NCOA3: variants seen among roughly 807,000 people sequenced by gnomAD.
NCOA3 encodes the protein CBP-interacting protein.
In NCOA3, 51 loss-of-function variants were observed where a neutral mutation model predicts 158.8. The ratio of observed to expected loss-of-function variants is 0.32; its 90% CI spans 0.26 to 0.41. NCOA3 has a LOEUF of 0.41. Ranked by LOEUF, NCOA3 falls within the 10% of genes least tolerant of loss-of-function variation. The pLI is 1.00. For synonymous variants in NCOA3, 537 were observed against 592.4 expected (o/e 0.91, Z 1.36); for missense variants, 1,510 against 1,746.6 (o/e 0.86, Z 2.41).
At chr20:47,515,201 T>C (rs2146065422) in intron 1 of NCOA3, among the ~76,000 whole-genome samples, 1 of 151,808 alleles carries the variant, frequency 6.6e-6, no homozygotes, top group African/African-American at 2.4e-5. Flanking sequence ...TCTCGCTCTG[T>C]TGCCCACCTG....
chr20:47,641,324 CTTTTTTTTTT>C lies in NCOA3; in HGVS notation c.3081-877_3081-868del, dbSNP rs34173277. 2.9e-4 allele frequency among the ~76,000 whole-genome samples: 28 copies of C among 96,568 alleles called. No homozygotes were observed. In the Middle Eastern group the frequency reaches 0.017, roughly 59 times the overall value. The allele number at this position is 96,568 out of a possible 152,430, so 63.4% of individuals were successfully genotyped here. On this transcript the variant is annotated intron_variant, in intron 16 of 22. Transcript: ENST00000371998. The stretch of plus-strand genomic sequence containing the variant: ...TCACGTCAGTGATAGCTCAACATTT[CTTTTTTTTTT>C]TTTTTTTTTTTGAGACGGAATCTGG...
At chr20:47,523,669 T>C (rs2084381186) in intron 1 of NCOA3, among the ~76,000 whole-genome samples, 1 of 152,234 alleles carries the variant, frequency 6.6e-6, no homozygotes, top group African/African-American at 2.4e-5. Context: ...TCTACTTTAC[T>C]AGAGGTGTTA....
chr20:47,572,071 C>T (rs779037540), intron 1 of NCOA3, among the ~76,000 whole-genome samples: 1 of 152,170 alleles, frequency 6.6e-6, no homozygotes, highest in Admixed American at 6.5e-5. Context: ...CCTTAAACCT[C>T]ATGAAGCAAC....
At chr20:47,611,527 C>T (rs2086043379) in intron 2 of NCOA3, among the ~76,000 whole-genome samples, 1 of 152,180 alleles carries the variant, frequency 6.6e-6, no homozygotes, top group Admixed American at 6.5e-5. Context: ...CGGCCGGGCT[C>T]ATGCCTGTAA....
chr20:47,648,092 A>T lies in NCOA3; in HGVS notation c.3546+726A>T, dbSNP rs182075794. Among the ~76,000 whole-genome samples the T allele has an allele frequency of 9.6e-4, 146 of 151,706 alleles. 2 individuals carry two copies. Among genetic ancestry groups the T allele is most frequent in the Admixed American group, 7.3e-3 (111 of 15,262 alleles). Reference sequence around the variant, plus strand: ...GCTAGTTTTTGTATTTTTAGTAGAGACAGGGTTTCACCATGTTGGCCAGGC... The same window carrying T: ...GCTAGTTTTTGTATTTTTAGTAGAGTCAGGGTTTCACCATGTTGGCCAGGC... On this transcript the variant is annotated intron_variant, in intron 18 of 22. Transcript: ENST00000371998.
Position 47,628,041 on chromosome 20 carries a change from G to GTC in NCOA3, c.823+32_823+33dup, listed in dbSNP as rs111613599. 2.7e-4 allele frequency: 418 copies of GTC among 1,533,708 alleles called. 3 individuals are homozygous for GTC. Among genetic ancestry groups the GTC allele is most frequent in the Middle Eastern group, 1.7e-3 (10 of 5,882 alleles). On this transcript the variant is annotated intron_variant, in intron 8 of 22. Transcript: ENST00000371998. ...TCTTTCAGGTAAAAACTCTTTTTTT[G>GTC]TCTCTCTCTCTCTCTGTGTATACGT...
At chr20:47,643,612 G>A (rs2086644433) in intron 17 of NCOA3, among the ~76,000 whole-genome samples, 1 of 151,878 alleles carries the variant, frequency 6.6e-6, no homozygotes, top group Non-Finnish European at 1.5e-5. Context: ...CTATTCCCCT[G>A]TGTTGGACTC....
chr20:47,518,645 G>A (rs950176644), intron 1 of NCOA3, among the ~76,000 whole-genome samples: 9 of 151,648 alleles, frequency 5.9e-5, no homozygotes, highest in Non-Finnish European at 1.3e-4. Context: ...GGCTCGTCTC[G>A]AACTCCTGAC....
intron 1 of NCOA3, among the ~76,000 whole-genome samples, chr20:47,530,260 T>TATA (rs1266242962): frequency 2.6e-5 from 4 of 152,206 alleles, no homozygotes; most frequent in Admixed American, 2.6e-4. Flanking sequence ...GTAGATTATG[T>TATA]ATCTGAGAAG....
chr20:47,568,428 A>G (rs1294180994), intron 1 of NCOA3, among the ~76,000 whole-genome samples: 1 of 152,232 alleles, frequency 6.6e-6, no homozygotes, highest in African/African-American at 2.4e-5. Flanking sequence ...CCAGTAGATA[A>G]AAAGTTATGT....
intron 2 of NCOA3, among the ~76,000 whole-genome samples, chr20:47,595,979 C>G (rs1393860526): frequency 2.0e-5 from 3 of 152,060 alleles, no homozygotes; most frequent in Admixed American, 2.0e-4. Context: ...TGATTTTTTA[C>G]TTTAAACACT....
At chr20:47,515,399 C>T (rs927984230) in intron 1 of NCOA3, among the ~76,000 whole-genome samples, 6 of 151,426 alleles carry the variant, frequency 4.0e-5, no homozygotes, top group South Asian at 4.2e-4. Context: ...TGATCCACCC[C>T]CCTCGGCCTC....
intron 1 of NCOA3, among the ~76,000 whole-genome samples, chr20:47,550,751 C>G (rs994213543): frequency 6.6e-6 from 1 of 152,122 alleles, no homozygotes; most frequent in Non-Finnish European, 1.5e-5. Flanking sequence ...CTACTTATGT[C>G]AGCACATTTT....
At chr20:47,571,842 C>G (rs1226076038) in intron 1 of NCOA3, among the ~76,000 whole-genome samples, 1 of 151,138 alleles carries the variant, frequency 6.6e-6, no homozygotes, top group African/African-American at 2.4e-5. Context: ...TCCCTTCCAC[C>G]TCAGCCTCCT....
chr20:47,526,183 C>T (rs1329911799), intron 1 of NCOA3, among the ~76,000 whole-genome samples: 2 of 151,322 alleles, frequency 1.3e-5, no homozygotes, highest in Admixed American at 6.6e-5. Context: ...CAGAGACGCT[C>T]CTCACTTCCC....
chr20:47,594,494 CT>C lies in NCOA3; in HGVS notation c.-20+11234del, dbSNP rs1361649367. On this transcript the variant is annotated intron_variant, in intron 2 of 22. Transcript: ENST00000371998. ...CCTGGCCAACATGATGAGATCTCGT[CT>C]CTACTAAAAATACAAAACAATTAGC... Among the ~76,000 whole-genome samples the C allele has an allele frequency of 2.0e-5, 3 of 151,278 alleles. 1 individual carries two copies. The South Asian group carries it at 6.3e-4, about 32-fold the overall frequency.
chr20:47,640,850 T>C (rs532155575), intron 16 of NCOA3, among the ~76,000 whole-genome samples: 18 of 151,782 alleles, frequency 1.2e-4, no homozygotes, highest in African/African-American at 4.1e-4. Flanking sequence ...ATTATGCCAC[T>C]GCACCCCAGC....
rs765371222 is a variant in NCOA3, at chr20:47,639,778, G to A, written c.2909G>A (p.Gly970Asp). 4 of 1,614,196 alleles carry A rather than the reference G, an allele frequency of 2.5e-6. No individual in the cohort carries two copies. The highest frequency in any genetic ancestry group is 3.4e-6 in the Non-Finnish European group (4 of 1,180,034). ...TLPLRSNSIPGARPVLQQQQQ... is the reference protein window; with the variant it reads ...TLPLRSNSIPDARPVLQQQQQ... Reference sequence around the variant, plus strand: ...CCTCTTCGGTCTAATAGCATACCAGGTGCGAGACCAGTATTGCAACAGCAG... The same window carrying A: ...CCTCTTCGGTCTAATAGCATACCAGATGCGAGACCAGTATTGCAACAGCAG... Residue 970 changes from glycine (G) to aspartate (D), a missense_variant, in exon 15 of 23, where the codon GGT becomes GAT. By Grantham distance (94) the Gly-to-Asp change is moderately conservative (BLOSUM62 -1). Around this residue, in one of 4 missense-constraint regions of NCOA3, gnomAD observed 1,017 missense variants for 1,098.3 expected, o/e 0.93. Transcript: ENST00000371998.
Position 47,649,127 on chromosome 20 carries a change from C to T in NCOA3, c.3651+18C>T. On this transcript the variant is annotated intron_variant, in intron 19 of 22. Transcript: ENST00000371998. ...GCTCCCAGGTGAGGATGATAAGCCT[C>T]TCCACATGCATTGCTCTGTGCTCAG... 1.3e-6 allele frequency: 2 copies of T among 1,542,876 alleles called. No homozygotes were observed. The highest frequency in any genetic ancestry group is 1.8e-6 in the Non-Finnish European group (2 of 1,118,278).
Sources: gnomAD v4.1 joint callset for allele counts (sites outside exome capture counted in the v4.1 genomes callset) on GRCh38, gnomAD v4.1.1 for gene constraint, gnomAD v4.1.1 regional missense constraint, MANE v1.5 for transcripts, NCBI Gene and HGNC (gene_info 2026-07-23, HGNC 2026-07-21) for gene names.